SORCS2: variants seen among roughly 807,000 people sequenced by gnomAD.
SORCS2 encodes the protein sortilin related VPS10 domain containing receptor 2, also known as VPS10 domain-containing receptor SorCS2.
In SORCS2, 100 loss-of-function variants were observed where a neutral mutation model predicts 141.6. The observed-to-expected ratio is 0.71, with a 90% CI of 0.60 to 0.83. The LOEUF (loss-of-function observed/expected upper bound fraction) is 0.83, where lower values mean the gene tolerates loss of function less well. SORCS2 is among the 40% of genes least tolerant of loss of function. The probability of loss-of-function intolerance (pLI) is 0.00; values close to 1 mark genes in which losing one functional copy is unlikely to be tolerated. For missense variants in SORCS2, 1,646 were observed against 1,560.2 expected, an observed-to-expected ratio of 1.05 and a Z score of -0.93; for synonymous variants, 789 against 676.9, an observed-to-expected ratio of 1.17 and a Z score of -2.57.
chr4:7,738,965 G>A (rs942302103), intron 26 of SORCS2, among the ~76,000 whole-genome samples: 3 of 152,092 alleles, frequency 2.0e-5, no homozygotes, highest in Admixed American at 6.5e-5. Context: ...GTTCCTCATG[G>A]CGTGATGCGT....
intron 3 of SORCS2, among the ~76,000 whole-genome samples, chr4:7,593,657 G>A (rs975598190): frequency 3.3e-5 from 5 of 152,166 alleles, no homozygotes; most frequent in Admixed American, 6.5e-5. Flanking sequence ...CAACCTGGGG[G>A]CGGGGGTGGG....
rs566081135 is a variant in SORCS2, at chr4:7,674,503, G to T, written c.1162-1547G>T. On this transcript the variant is annotated intron_variant, in intron 8 of 26. Coordinates refer to ENST00000507866, the MANE Select transcript of SORCS2 (RefSeq NM_020777.3). ...CAGGAGAATGGTGTGAACCCGGGGG[G>T]GCAGAGCTTGCAGTGAGCTGAGATT... 1.1e-4 allele frequency among the ~76,000 whole-genome samples: 17 copies of T among 151,206 alleles called. No homozygotes were observed. The South Asian group carries it at 3.4e-3, about 30-fold the overall frequency.
intron 11 of SORCS2, among the ~76,000 whole-genome samples, chr4:7,691,041 G>A (rs954393196): frequency 7.9e-5 from 12 of 152,222 alleles, no homozygotes; most frequent in Admixed American, 4.6e-4. Flanking sequence ...GTCTGTGACA[G>A]TCAGACAGGC....
intron 1 of SORCS2, among the ~76,000 whole-genome samples, chr4:7,238,700 G>T (rs111339358): frequency 6.6e-6 from 1 of 152,210 alleles, no homozygotes; most frequent in Admixed American, 6.5e-5. Flanking sequence ...GCTGCCCTGC[G>T]TGTGTCTGGG....
chr4:7,637,673 TG>T (rs1197599769), intron 3 of SORCS2, among the ~76,000 whole-genome samples: 6 of 151,196 alleles, frequency 4.0e-5, no homozygotes, highest in East Asian at 1.9e-4. Context: ...CCCTGGTGTG[TG>T]GGGGGGCCCA....
intron 2 of SORCS2, among the ~76,000 whole-genome samples, chr4:7,473,951 G>A (rs747075619): frequency 3.3e-5 from 5 of 152,282 alleles, no homozygotes; most frequent in South Asian, 4.1e-4. Context: ...TGGTGATGTC[G>A]TTACCCAGCT....
chr4:7,708,794 C>T (rs1052634085), intron 14 of SORCS2, among the ~76,000 whole-genome samples: 11 of 152,198 alleles, frequency 7.2e-5, no homozygotes, highest in African/African-American at 2.4e-4. Context: ...GGTGCCAACA[C>T]GTCTCAAAGA....
At chr4:7,656,159 G>A (rs1243818987) in intron 5 of SORCS2, among the ~76,000 whole-genome samples, 2 of 152,234 alleles carry the variant, frequency 1.3e-5, no homozygotes, top group African/African-American at 4.8e-5. Flanking sequence ...CCAAAGCCCC[G>A]TGTTCTGTCT....
chr4:7,707,301 C>A (rs1725534195), intron 14 of SORCS2, among the ~76,000 whole-genome samples: 1 of 152,214 alleles, frequency 6.6e-6, no homozygotes, highest in Admixed American at 6.5e-5. Context: ...CTTGTCCTCA[C>A]ACTCAGAGGA....
intron 1 of SORCS2, among the ~76,000 whole-genome samples, chr4:7,350,494 C>T (rs1025073606): frequency 9.2e-5 from 14 of 152,378 alleles, no homozygotes; most frequent in African/African-American, 3.4e-4. Flanking sequence ...AGATGGGACA[C>T]TCCCAAAGGG....
intron 1 of SORCS2, among the ~76,000 whole-genome samples, chr4:7,326,230 G>C (rs780756220): frequency 4.6e-5 from 7 of 152,126 alleles, no homozygotes; most frequent in Non-Finnish European, 8.8e-5. Flanking sequence ...AGAGGGTTCT[G>C]TCCTGCTGGC....
At chr4:7,372,549 C>T (rs1722326058) in intron 1 of SORCS2, among the ~76,000 whole-genome samples, 1 of 152,180 alleles carries the variant, frequency 6.6e-6, no homozygotes, top group African/African-American at 2.4e-5. Context: ...CTCGGGTGAT[C>T]CATCCACCTG....
At chr4:7,249,649 A>C (rs1187292833) in intron 1 of SORCS2, among the ~76,000 whole-genome samples, 2 of 152,148 alleles carry the variant, frequency 1.3e-5, no homozygotes, top group African/African-American at 4.8e-5. Context: ...AGATGGGACT[A>C]TCACAGTCCC....
At chr4:7,417,413 C>G (rs556455676) in intron 2 of SORCS2, among the ~76,000 whole-genome samples, 53 of 152,272 alleles carry the variant, frequency 3.5e-4, no homozygotes, top group African/African-American at 1.1e-3. Context: ...GGGGCTAACA[C>G]AGGGAGCAGT....
chr4:7,213,470 C>T (rs558412647), intron 1 of SORCS2, among the ~76,000 whole-genome samples: 12 of 152,336 alleles, frequency 7.9e-5, no homozygotes, highest in Non-Finnish European at 1.3e-4. Flanking sequence ...TGCAGACCAC[C>T]GATGGTGGTT....
At chr4:7,552,272 C>T (rs1255005593) in intron 3 of SORCS2, among the ~76,000 whole-genome samples, 2 of 152,116 alleles carry the variant, frequency 1.3e-5, no homozygotes, top group Non-Finnish European at 2.9e-5. Context: ...GATCTCTGAA[C>T]TCAGCGTTGA....
intron 1 of SORCS2, among the ~76,000 whole-genome samples, chr4:7,304,101 C>T (rs1374835799): frequency 6.6e-6 from 1 of 152,266 alleles, no homozygotes; most frequent in Non-Finnish European, 1.5e-5. Flanking sequence ...CTTGTTGACG[C>T]CTATATGTGC....
At chr4:7,452,723 C>T (rs1728544405) in intron 2 of SORCS2, among the ~76,000 whole-genome samples, 1 of 152,214 alleles carries the variant, frequency 6.6e-6, no homozygotes, top group African/African-American at 2.4e-5. Flanking sequence ...AGTAAAAGGA[C>T]TCAGCTCCTA....
intron 1 of SORCS2, among the ~76,000 whole-genome samples, chr4:7,199,064 C>T (rs953460916): frequency 1.3e-4 from 20 of 152,178 alleles, no homozygotes; most frequent in Admixed American, 5.2e-4. Context: ...CTGCTGGGTG[C>T]ACTTTGCGGA....
Sources: gnomAD v4.1 joint callset for allele counts (sites outside exome capture counted in the v4.1 genomes callset) on GRCh38, gnomAD v4.1.1 for gene constraint, MANE v1.5 for transcripts, NCBI Gene and HGNC (gene_info 2026-07-23, HGNC 2026-07-21) for gene names.